The following TSHZ2 variants were observed in gnomAD, a reference collection of about 807,000 sequenced individuals.
The protein encoded by TSHZ2 is teashirt homolog 2.
TSHZ2 carries 21 observed loss-of-function variants against 74.4 expected under a neutral mutation model. That is an observed-to-expected ratio of 0.28 (90% confidence interval 0.20 to 0.41). TSHZ2 has a LOEUF of 0.41. TSHZ2 is among the 10% of genes least tolerant of loss of function. The pLI is 1.00. For synonymous variants in TSHZ2, 540 were observed against 515.3 expected (o/e 1.05, Z -0.65); for missense variants, 1,244 against 1,293.5 (o/e 0.96, Z 0.59).
At chr20:53,334,561 C>T (rs577113917) in intron 2 of TSHZ2, among the ~76,000 whole-genome samples, 3 of 152,262 alleles carry the variant, frequency 2.0e-5, no homozygotes, top group African/African-American at 7.2e-5. Flanking sequence ...GGCAATTGCA[C>T]TTCCAGTGTG....
chr20:53,273,996 A>G (rs1990890612), intron 2 of TSHZ2, among the ~76,000 whole-genome samples: 1 of 152,186 alleles, frequency 6.6e-6, no homozygotes, highest in Admixed American at 6.5e-5. Context: ...GTAAACCACT[A>G]GTGGCCGGGC....
chr20:53,020,110 C>G (rs1983185943), intron 1 of TSHZ2, among the ~76,000 whole-genome samples: 1 of 152,122 alleles, frequency 6.6e-6, no homozygotes, highest in Admixed American at 6.6e-5. Context: ...ACCATGAGAA[C>G]AGCATGGGGG....
rs1307020515 is a variant in TSHZ2, at chr20:53,253,851, C to T, written c.393C>T (p.Asn131=). Residue 131 remains asparagine (N), a synonymous_variant, in exon 2 of 3, where the codon AAC becomes AAT. Transcript: ENST00000371497. ...CMDKMTAVYA[N]ILSDSYWSGL... The stretch of plus-strand genomic sequence containing the variant: ...ATAAAATGACCGCTGTCTACGCCAA[C>T]ATCCTGTCGGATTCCTACTGGTCAG... 1 of 1,614,224 alleles carries T rather than the reference C, an allele frequency of 6.2e-7. No individual in the cohort carries two copies. The highest frequency in any genetic ancestry group is 1.1e-5 in the South Asian group (1 of 91,078).
intron 1 of TSHZ2, among the ~76,000 whole-genome samples, chr20:52,994,497 C>T (rs1409321723): frequency 6.6e-6 from 1 of 151,604 alleles, no homozygotes; most frequent in Non-Finnish European, 1.5e-5. Context: ...TAAAGATGAT[C>T]TGTGGCTCCC....
At chr20:53,117,086 C>T (rs1986691248) in intron 1 of TSHZ2, among the ~76,000 whole-genome samples, 1 of 152,076 alleles carries the variant, frequency 6.6e-6, no homozygotes, top group Admixed American at 6.6e-5. Flanking sequence ...CATGCCTCTT[C>T]TTATAAGGAC....
At chr20:53,475,799 A>G (rs1316498920) in intron 2 of TSHZ2, among the ~76,000 whole-genome samples, 1 of 140,324 alleles carries the variant, frequency 7.1e-6, no homozygotes, top group Non-Finnish European at 1.5e-5. Context: ...AGAATCAAAT[A>G]GACGCAATAA....
intron 1 of TSHZ2, among the ~76,000 whole-genome samples, chr20:53,041,252 T>G (rs1484742432): frequency 6.6e-6 from 1 of 152,246 alleles, no homozygotes; most frequent in African/African-American, 2.4e-5. Flanking sequence ...CTCAAATGAC[T>G]CATCAGAATT....
At chr20:53,035,798 A>G (rs1319426194) in intron 1 of TSHZ2, among the ~76,000 whole-genome samples, 1 of 152,228 alleles carries the variant, frequency 6.6e-6, no homozygotes, top group East Asian at 1.9e-4. Flanking sequence ...TTTGTGTAGC[A>G]GCGGAGTGTA....
chr20:53,052,453 T>G lies in TSHZ2; in HGVS notation c.40+79120T>G, dbSNP rs111540433. Reference sequence around the variant, plus strand: ...TTATGTGCTCCTTATGAGGATGGAATGCCTGATGATCTAAGGTGGAACAGT... The same window carrying G: ...TTATGTGCTCCTTATGAGGATGGAAGGCCTGATGATCTAAGGTGGAACAGT... On this transcript the variant is annotated intron_variant, in intron 1 of 2. Transcript: ENST00000371497. 6.1e-4 allele frequency among the ~76,000 whole-genome samples: 93 copies of G among 152,308 alleles called. 1 individual carries two copies. In the Middle Eastern group the frequency reaches 0.014, roughly 22 times the overall value.
intron 1 of TSHZ2, among the ~76,000 whole-genome samples, chr20:53,003,108 G>A (rs1222004540): frequency 1.3e-5 from 2 of 152,174 alleles, no homozygotes; most frequent in Non-Finnish European, 2.9e-5. Context: ...ATAACAAAAT[G>A]TCAAAACTAA....
At chr20:53,362,431 A>G (rs924984706) in intron 2 of TSHZ2, among the ~76,000 whole-genome samples, 3 of 135,926 alleles carry the variant, frequency 2.2e-5, no homozygotes, top group Non-Finnish European at 4.8e-5. Context: ...TGATCTGCCC[A>G]CCTCGGCCTC....
chr20:53,336,332 G>A (rs151226797), intron 2 of TSHZ2, among the ~76,000 whole-genome samples: 42 of 152,214 alleles, frequency 2.8e-4, no homozygotes, highest in Non-Finnish European at 5.6e-4. Context: ...CATGCAAATC[G>A]GACACTCCAA....
chr20:53,280,637 GT>G (rs1013721947), intron 2 of TSHZ2, among the ~76,000 whole-genome samples: 2 of 144,616 alleles, frequency 1.4e-5, no homozygotes, highest in East Asian at 4.0e-4. Flanking sequence ...TCAACAAGTC[GT>G]TTTTTTGTTT....
intron 1 of TSHZ2, among the ~76,000 whole-genome samples, chr20:53,156,708 C>T (rs770658823): frequency 6.6e-6 from 1 of 152,222 alleles, no homozygotes; most frequent in Admixed American, 6.5e-5. Flanking sequence ...GTTTGTCCTA[C>T]ATTTCAGGAT....
intron 1 of TSHZ2, among the ~76,000 whole-genome samples, chr20:53,169,964 A>G (rs539285950): frequency 2.0e-5 from 3 of 152,286 alleles, no homozygotes; most frequent in African/African-American, 7.2e-5. Flanking sequence ...ATATTTACAT[A>G]TATATGCCCA....
chr20:53,259,526 G>A (rs1224888102), intron 2 of TSHZ2, among the ~76,000 whole-genome samples: 1 of 152,202 alleles, frequency 6.6e-6, no homozygotes. Context: ...CAATGAGTCT[G>A]AAATGCATAA....
Position 53,278,958 on chromosome 20 carries a change from A to G in TSHZ2, c.*8+22387A>G, listed in dbSNP as rs1023913001. On this transcript the variant is annotated intron_variant, in intron 2 of 2. Transcript: ENST00000371497. ...CTATTGTTGACCAGAAGCCTTACCA[A>G]CAACATAAAGTCAATTAACACATAT... Among the ~76,000 whole-genome samples, 22 of 152,368 alleles carry G rather than the reference A, an allele frequency of 1.4e-4. No individual in the cohort carries two copies. In the South Asian group the frequency reaches 4.6e-3, roughly 32 times the overall value.
intron 2 of TSHZ2, among the ~76,000 whole-genome samples, chr20:53,441,221 G>GTTTATAT (rs1984301467): frequency 8.0e-6 from 1 of 125,784 alleles, no homozygotes; most frequent in Non-Finnish European, 1.6e-5. Flanking sequence ...TTATTTATTT[G>GTTTATAT]TTTATTTTAT....
chr20:53,262,976 A>G (rs1990633335), intron 2 of TSHZ2, among the ~76,000 whole-genome samples: 1 of 152,140 alleles, frequency 6.6e-6, no homozygotes, highest in African/African-American at 2.4e-5. Context: ...TCTGGAGTAT[A>G]TGGAAAAGCC....
Sources: gnomAD v4.1 joint callset for allele counts (sites outside exome capture counted in the v4.1 genomes callset) on GRCh38, gnomAD v4.1.1 for gene constraint, MANE v1.5 for transcripts, NCBI Gene and HGNC (gene_info 2026-07-23, HGNC 2026-07-21) for gene names.